The following TUBD1 variants were observed in gnomAD, a reference collection of about 807,000 sequenced individuals.
TUBD1 encodes tubulin delta 1.
Under a neutral mutation model 51.2 loss-of-function variants are expected in TUBD1, and 38 were observed. The observed-to-expected ratio is 0.74, with a 90% confidence interval of 0.57 to 0.97. TUBD1 has a LOEUF of 0.97. TUBD1 is among the 50% of genes least tolerant of loss of function. TUBD1 has a pLI of 0.00. For synonymous variants in TUBD1, 169 were observed against 178.2 expected, an observed-to-expected ratio of 0.95 and a Z score of 0.41; for missense variants, 489 against 538.4, an observed-to-expected ratio of 0.91 and a Z score of 0.91.
At chr17:59,890,548 G>A (rs1409513642) in intron 2 of TUBD1, among the ~76,000 whole-genome samples, 1 of 152,148 alleles carries the variant, frequency 6.6e-6, no homozygotes, top group Non-Finnish European at 1.5e-5. Context: ...AGCCAGCAGG[G>A]TCCTCTTTTG....
chr17:59,886,370 T>C, intron 2 of TUBD1, 140 bp from the exon 3 acceptor site: 1 of 866,594 alleles, frequency 1.2e-6, no homozygotes, highest in Non-Finnish European at 1.7e-6. Context: ...AGATCTGTCG[T>C]ACTGCTTAGA....
Position 59,860,411 on chromosome 17 carries a change from G to A in TUBD1, c.1273C>T (p.Gln425Ter), listed in dbSNP as rs758926475. ...NMFASKAYIH[Q>*]YTKFGIEEED... Reference sequence around the variant, plus strand: ...TCTTCGATTCCAAATTTTGTGTACTGATGAATGTAGGCTCTGGTAGAAAAA... The same window carrying A: ...TCTTCGATTCCAAATTTTGTGTACTAATGAATGTAGGCTCTGGTAGAAAAA... The change falls in exon 9 of 9, where the codon CAG (glutamine) becomes TAG (stop). Residue 425 changes from glutamine to a stop codon, truncating the protein, a stop_gained. Coordinates refer to ENST00000325752, the MANE Select transcript of TUBD1 (RefSeq NM_016261.4). LOFTEE classifies it high-confidence loss of function. 14 of 1,561,756 alleles carry A rather than the reference G, an allele frequency of 9.0e-6. No individual in the cohort carries two copies. Among genetic ancestry groups the A allele is most frequent in the Non-Finnish European group, 1.1e-5 (13 of 1,138,056 alleles).
chr17:59,861,446 G>A (rs1214434259), intron 8 of TUBD1, among the ~76,000 whole-genome samples: 2 of 151,756 alleles, frequency 1.3e-5, no homozygotes, highest in Non-Finnish European at 2.9e-5. Flanking sequence ...TGATCCACCT[G>A]CCTTGGCCTT....
At chr17:59,882,718 A>C (rs1242407851) in intron 3 of TUBD1, among the ~76,000 whole-genome samples, 3 of 152,016 alleles carry the variant, frequency 2.0e-5, no homozygotes, top group African/African-American at 7.2e-5. Flanking sequence ...AGGCTCAAAA[A>C]ATTATCCCAT....
Position 59,869,998 on chromosome 17 carries a change from T to C in TUBD1, c.935-3249A>G, listed in dbSNP as rs773889057. On this transcript the variant is annotated intron_variant, in intron 6 of 8. Coordinates refer to ENST00000325752, the MANE Select transcript of TUBD1 (RefSeq NM_016261.4). The stretch of plus-strand genomic sequence containing the variant: ...AGCTGGAGAGCAAATGGTTACTGAC[T>C]GCACAACAAGAAAAAGCTAAAAATT... Among the ~76,000 whole-genome samples, 28 of 152,030 alleles carry C rather than the reference T, an allele frequency of 1.8e-4. 1 individual carries two copies. The Middle Eastern group carries it at 0.016, about 86-fold the overall frequency.
Position 59,859,720 on chromosome 17 carries a change from T to C in TUBD1, c.*602A>G, listed in dbSNP as rs1425163228. On this transcript the variant is annotated 3_prime_UTR_variant, in exon 9 of 9. Coordinates refer to ENST00000325752, the MANE Select transcript of TUBD1 (RefSeq NM_016261.4). ...CTGTGAAAGTTTGGTTCATGCTTTG[T>C]GAGTTGTTTTTGGAGTTGTTTTGGA... is the stretch of plus-strand genomic sequence containing the variant. The C allele has an allele frequency of 6.6e-6, 1 of 152,586 alleles. No homozygotes were observed. Among genetic ancestry groups the C allele is most frequent in the Admixed American group, 6.6e-5 (1 of 15,262 alleles). 9.5% of individuals were successfully genotyped at this position (152,586 alleles called of 1,614,324 possible).
intron 6 of TUBD1, among the ~76,000 whole-genome samples, chr17:59,873,055 G>A (rs1017626143): frequency 4.0e-5 from 6 of 151,750 alleles, no homozygotes; most frequent in African/African-American, 1.2e-4. Flanking sequence ...GAGCTACTGC[G>A]CCCAGGCCAA....
At chr17:59,862,463 C>G (rs1251035606) in intron 8 of TUBD1, among the ~76,000 whole-genome samples, 2 of 152,000 alleles carry the variant, frequency 1.3e-5, no homozygotes, top group Non-Finnish European at 2.9e-5. Flanking sequence ...AGTATCAAAC[C>G]AAGTTGAATT....
intron 6 of TUBD1, among the ~76,000 whole-genome samples, chr17:59,867,007 C>A (rs1474738843): frequency 6.6e-6 from 1 of 152,096 alleles, no homozygotes; most frequent in East Asian, 1.9e-4. Context: ...GCTGGCCAGG[C>A]TGGTCTCGAA....
At chr17:59,876,526 G>C (rs959129560) in intron 5 of TUBD1, among the ~76,000 whole-genome samples, 3 of 151,050 alleles carry the variant, frequency 2.0e-5, no homozygotes, top group African/African-American at 7.3e-5. Context: ...GGCTAATTTT[G>C]TATTTTTTTT....
chr17:59,889,429 A>G (rs1222539780), intron 2 of TUBD1, among the ~76,000 whole-genome samples: 9 of 151,364 alleles, frequency 5.9e-5, no homozygotes, highest in Admixed American at 2.0e-4. Context: ...CACTTTGGGA[A>G]GCTGAGGTGG....
chr17:59,868,698 G>C (rs917611399), intron 6 of TUBD1, among the ~76,000 whole-genome samples: 3 of 152,002 alleles, frequency 2.0e-5, no homozygotes, highest in Non-Finnish European at 4.4e-5. Flanking sequence ...TTAGCTGGGC[G>C]TGGTGGCACA....
chr17:59,873,326 T>C (rs568077456), intron 6 of TUBD1, among the ~76,000 whole-genome samples: 13 of 151,672 alleles, frequency 8.6e-5, no homozygotes, highest in African/African-American at 2.7e-4. Context: ...CACAGCTCAC[T>C]GCAGCCTTGA....
At chr17:59,864,928 G>A (rs1465458667) in intron 7 of TUBD1, among the ~76,000 whole-genome samples, 3 of 151,170 alleles carry the variant, frequency 2.0e-5, no homozygotes, top group Non-Finnish European at 4.4e-5. Context: ...ACCATCATTG[G>A]TCACTGCAGC....
At chr17:59,869,080 A>C (rs917319347) in intron 6 of TUBD1, among the ~76,000 whole-genome samples, 1 of 151,816 alleles carries the variant, frequency 6.6e-6, no homozygotes, top group African/African-American at 2.4e-5. Flanking sequence ...ATAAAACTAG[A>C]TCCTTCAACC....
chr17:59,859,859 T>C lies in TUBD1; in HGVS notation c.*463A>G, dbSNP rs2039352328. 1 of 152,176 alleles carries C rather than the reference T, an allele frequency of 6.6e-6. No homozygotes were observed. The highest frequency in any genetic ancestry group is 1.5e-5 in the Non-Finnish European group (1 of 68,066). 9.4% of individuals were successfully genotyped at this position (152,176 alleles called of 1,614,324 possible). ...AAAGTTCTTTATAAAAGCACCATTT[T>C]TTTTTCTTACAAATGAAATACCAAG... On this transcript the variant is annotated 3_prime_UTR_variant, in exon 9 of 9. Transcript: ENST00000325752.
intron 3 of TUBD1, among the ~76,000 whole-genome samples, chr17:59,884,459 C>T (rs2040624359): frequency 6.6e-6 from 1 of 151,432 alleles, no homozygotes; most frequent in Non-Finnish European, 1.5e-5. Flanking sequence ...CTAAAAAATA[C>T]AAAAATTAGC....
intron 2 of TUBD1, among the ~76,000 whole-genome samples, chr17:59,888,777 G>C (rs1598580117): frequency 1.3e-5 from 2 of 151,596 alleles, no homozygotes; most frequent in East Asian, 1.9e-4. Context: ...ACCTAGGCTG[G>C]AGTACAATGG....
At position 59,877,996 on chromosome 17, in the gene TUBD1, G is replaced by T. The variant is rs568062237; in HGVS notation, c.769+107C>A. On this transcript the variant is annotated intron_variant, in intron 5 of 8. Transcript: ENST00000325752. The stretch of plus-strand genomic sequence containing the variant: ...ATGTGAAGAAAGGGTTTTGAGATGA[G>T]CAAGACTTAAGTGTATCTTCAGGCA... 4.7e-4 allele frequency: 399 copies of T among 852,242 alleles called. 1 individual carries two copies. Among genetic ancestry groups the T allele is most frequent in the Non-Finnish European group, 5.4e-4 (299 of 555,602 alleles). 52.8% of individuals were successfully genotyped at this position (852,242 alleles called of 1,614,324 possible).
Sources: gnomAD v4.1 joint callset for allele counts (sites outside exome capture counted in the v4.1 genomes callset) on GRCh38, gnomAD v4.1.1 for gene constraint, MANE v1.5 for transcripts, NCBI Gene and HGNC (gene_info 2026-07-23, HGNC 2026-07-21) for gene names.